The following LPCAT2 variants were observed in gnomAD, a reference collection of about 807,000 sequenced individuals.
LPCAT2 encodes lysophosphatidylcholine acyltransferase 2.
LPCAT2 carries 58 observed loss-of-function variants against 64.7 expected under a neutral mutation model. The ratio of observed to expected loss-of-function variants is 0.90; its 90% CI spans 0.73 to 1.12. The LOEUF is 1.12. Ranked by LOEUF, LPCAT2 falls within the 50% of genes most tolerant of loss-of-function variation. LPCAT2 has a pLI of 0.00. For synonymous variants in LPCAT2, 252 were observed against 245.3 expected, an observed-to-expected ratio of 1.03 and a Z score of -0.26; for missense variants, 579 against 669.8, an observed-to-expected ratio of 0.86 and a Z score of 1.50.
chr16:55,537,739 T>C, intron 8 of LPCAT2, 107 bp downstream of exon 8: 1 of 892,414 alleles, frequency 1.1e-6, no homozygotes, highest in East Asian at 2.5e-5. Context: ...CCAGGTGTTT[T>C]ACAAATTGTG....
intron 8 of LPCAT2, chr16:55,541,758 G>T: frequency 1.4e-6 from 1 of 705,364 alleles, no homozygotes; most frequent in South Asian, 1.8e-5. Context: ...ATAGAGTTTT[G>T]AGGAGTAATA....
intron 13 of LPCAT2, among the ~76,000 whole-genome samples, chr16:55,582,375 A>C (rs1963896550): frequency 3.3e-5 from 5 of 152,118 alleles, no homozygotes; most frequent in Admixed American, 3.3e-4. Context: ...ATTAAATTTT[A>C]GTTTTGTCTA....
intron 11 of LPCAT2, chr16:55,566,992 G>A (rs1963707070): frequency 1.2e-6 from 2 of 1,613,898 alleles, no homozygotes; most frequent in Admixed American, 1.7e-5. Flanking sequence ...GAGGAAGTTA[G>A]GCGATTTCGG....
At chr16:55,543,531 A>G (rs1380818401) in intron 8 of LPCAT2, among the ~76,000 whole-genome samples, 1 of 152,202 alleles carries the variant, frequency 6.6e-6, no homozygotes, top group East Asian at 1.9e-4. Context: ...CATTAATTTC[A>G]ACTTACTGTT....
chr16:55,550,044 T>C (rs1438376562), intron 10 of LPCAT2, among the ~76,000 whole-genome samples: 2 of 152,202 alleles, frequency 1.3e-5, no homozygotes, highest in Non-Finnish European at 2.9e-5. Flanking sequence ...ATCCTGTCTA[T>C]GAAGGAGCTG....
chr16:55,536,687 T>G (rs1163039912), intron 7 of LPCAT2, among the ~76,000 whole-genome samples: 3 of 152,166 alleles, frequency 2.0e-5, no homozygotes, highest in Non-Finnish European at 4.4e-5. Context: ...AGAGATTGGT[T>G]GGTTCTTTTT....
At chr16:55,530,800 A>C (rs1459438987) in intron 4 of LPCAT2, among the ~76,000 whole-genome samples, 1 of 152,138 alleles carries the variant, frequency 6.6e-6, no homozygotes, top group African/African-American at 2.4e-5. Context: ...GGGAGATAAC[A>C]AATATATAAA....
At chr16:55,531,524 A>G (rs1963252817) in intron 4 of LPCAT2, among the ~76,000 whole-genome samples, 1 of 152,178 alleles carries the variant, frequency 6.6e-6, no homozygotes, top group Admixed American at 6.6e-5. Flanking sequence ...GTAAATATTA[A>G]TGGGAAAACT....
In LPCAT2 at chr16:55,509,193, C is replaced by T; in HGVS notation, c.12C>T (p.Cys4=). ...CGCCCGGCTCAACTATGAGCCGGTG[C>T]GCCCAGGCGGCGGAAGTGGCGGCCA... MSR[C]AQAAEVAATV... is the part of the protein sequence containing the mutation. The change falls in exon 1 of 14, where the codon TGC becomes TGT. Residue 4 remains cysteine (C), a synonymous_variant. Transcript: ENST00000262134. The T allele has an allele frequency of 7.1e-7, 1 of 1,400,598 alleles. No individual in the cohort carries two copies. The highest frequency in any genetic ancestry group is 9.3e-7 in the Non-Finnish European group (1 of 1,072,206). 86.8% of individuals were successfully genotyped at this position (1,400,598 alleles called of 1,614,324 possible).
Position 55,509,142 on chromosome 16 carries a change from G to A in LPCAT2, c.-40G>A, listed in dbSNP as rs768998923. The A allele has an allele frequency of 4.6e-6, 6 of 1,302,634 alleles. No homozygotes were observed. The African/African-American group carries it at 9.2e-5, about 20-fold the overall frequency. 80.7% of individuals were successfully genotyped at this position (1,302,634 alleles called of 1,614,324 possible). On this transcript the variant is annotated 5_prime_UTR_variant, in exon 1 of 14. Coordinates refer to ENST00000262134, the MANE Select transcript of LPCAT2 (RefSeq NM_017839.5). Reference sequence around the variant, plus strand: ...CGGCTCAGTTTTGGCTGCAGCGCCCGCGTAGATCGCTTCGGCCGGGTTCTA... The same window carrying A: ...CGGCTCAGTTTTGGCTGCAGCGCCCACGTAGATCGCTTCGGCCGGGTTCTA...
At chr16:55,582,006 GA>G (rs1374929811) in intron 13 of LPCAT2, among the ~76,000 whole-genome samples, 2 of 152,090 alleles carry the variant, frequency 1.3e-5, no homozygotes, top group Admixed American at 1.3e-4. Flanking sequence ...AGCTTTTTAA[GA>G]CTGTATTTTT....
At chr16:55,566,532 G>C in intron 11 of LPCAT2, 1 of 517,734 alleles carries the variant, frequency 1.9e-6, no homozygotes, top group Non-Finnish European at 3.4e-6. Context: ...ATCTGGAAGA[G>C]TGAAAACAAT....
At chr16:55,582,883 A>G in intron 13 of LPCAT2, 31 bp from the exon 14 acceptor site, 1 of 1,478,512 alleles carries the variant, frequency 6.8e-7, no homozygotes, top group Non-Finnish European at 9.3e-7. Context: ...ATTCACCCCA[A>G]CTTATTGGAT....
chr16:55,534,414 C>A (rs202058340), intron 6 of LPCAT2, 29 bp from the exon 7 acceptor site: 3 of 1,441,500 alleles, frequency 2.1e-6, no homozygotes, highest in East Asian at 2.3e-5. Flanking sequence ...TCCTCCAGAC[C>A]AACAGCTAAA....
At chr16:55,567,307 A>G (rs1963714381) in intron 11 of LPCAT2, 2 of 1,613,668 alleles carry the variant, frequency 1.2e-6, no homozygotes, top group Non-Finnish European at 1.7e-6. Context: ...GCAGGCTTCC[A>G]GCTAAATGAA....
At chr16:55,537,710 C>A in intron 8 of LPCAT2, 78 bp downstream of exon 8, 1 of 1,203,236 alleles carries the variant, frequency 8.3e-7, no homozygotes. Flanking sequence ...CTAGAGAGAC[C>A]AGATATAAAG....
chr16:55,512,943 A>G (rs1285036260), intron 1 of LPCAT2, among the ~76,000 whole-genome samples: 1 of 152,232 alleles, frequency 6.6e-6, no homozygotes, highest in African/African-American at 2.4e-5. Flanking sequence ...AGCCTTCACA[A>G]AGTGAATGCA....
intron 6 of LPCAT2, among the ~76,000 whole-genome samples, chr16:55,533,879 A>G (rs1963289497): frequency 6.6e-6 from 1 of 152,184 alleles, no homozygotes; most frequent in Admixed American, 6.6e-5. Flanking sequence ...GAGAATTTAT[A>G]TTAAAAGCCA....
At chr16:55,514,889 A>AG (rs1567389282) in intron 1 of LPCAT2, among the ~76,000 whole-genome samples, 12 of 105,792 alleles carry the variant, frequency 1.1e-4, no homozygotes, top group East Asian at 5.3e-4. Flanking sequence ...GATGCAATGC[A>AG]TTGTGTGTGT....
Sources: allele counts gnomAD v4.1 joint callset (sites outside exome capture counted in the v4.1 genomes callset), GRCh38; gene constraint gnomAD v4.1.1; transcripts MANE v1.5; gene names NCBI Gene and HGNC (gene_info 2026-07-23, HGNC 2026-07-21).